AGTPBP1: variants seen among roughly 807,000 people sequenced by gnomAD.
The protein encoded by AGTPBP1 is ATP/GTP binding carboxypeptidase 1.
Under a neutral mutation model 143.9 loss-of-function variants are expected in AGTPBP1, and 70 were observed. The observed-to-expected ratio is 0.49, with a 90% CI of 0.40 to 0.59. The LOEUF (loss-of-function observed/expected upper bound fraction) is 0.59, where lower values mean the gene tolerates loss of function less well. AGTPBP1 is among the 20% of genes least tolerant of loss of function. The pLI, the probability that AGTPBP1 is intolerant of heterozygous loss-of-function variation, is 0.00. For synonymous variants in AGTPBP1, 463 were observed against 500.2 expected, an observed-to-expected ratio of 0.93 and a Z score of 0.99; for missense variants, 1,229 against 1,464.5, an observed-to-expected ratio of 0.84 and a Z score of 2.62.
chr9:85,690,871 A>C (rs930798761), intron 3 of AGTPBP1, among the ~76,000 whole-genome samples: 4 of 152,282 alleles, frequency 2.6e-5, no homozygotes, highest in African/African-American at 9.6e-5. Context: ...TGGTGGGAAG[A>C]GGGTCATTCC....
intron 1 of AGTPBP1, among the ~76,000 whole-genome samples, chr9:85,725,301 A>T (rs924404426): frequency 6.6e-6 from 1 of 152,200 alleles, no homozygotes; most frequent in African/African-American, 2.4e-5. Flanking sequence ...AATTTAACAA[A>T]AAAATTAAAA....
rs146070377 is a variant in AGTPBP1 at position 85,574,373 on chromosome 9, C to T, written c.3503+942G>A. Among the ~76,000 whole-genome samples, 797 of 151,948 alleles carry T rather than the reference C, an allele frequency of 5.2e-3. 5 individuals carry two copies. Among genetic ancestry groups the T allele is most frequent in the African/African-American group, 0.018 (746 of 41,436 alleles). On this transcript the variant is annotated intron_variant, in intron 25 of 25. Transcript: ENST00000357081. ...TCCTCTGCCTAGGAAAACCAGAAAC[C>T]CTTGTTCACTTGTTTATCTGCTGAC...
At chr9:85,700,193 C>T (rs887519854) in intron 2 of AGTPBP1, among the ~76,000 whole-genome samples, 3 of 152,218 alleles carry the variant, frequency 2.0e-5, no homozygotes, top group African/African-American at 7.2e-5. Flanking sequence ...CCACAGCTAA[C>T]ACCTTGAGAA....
chr9:85,549,398 T>C (rs117947442), intron 25 of AGTPBP1, among the ~76,000 whole-genome samples: 6 of 152,024 alleles, frequency 3.9e-5, no homozygotes, highest in African/African-American at 1.4e-4. Flanking sequence ...GTTCAAGAGA[T>C]CTATGGACAG....
chr9:85,585,349 C>T, intron 23 of AGTPBP1, 114 bp downstream of exon 23: 1 of 1,122,112 alleles, frequency 8.9e-7, no homozygotes, highest in Non-Finnish European at 1.2e-6. Flanking sequence ...AAATCTGAAA[C>T]AAAAATGGCA....
chr9:85,781,936 T>C, the AGTPBP1 span, among the ~76,000 whole-genome samples: 1 of 152,204 alleles, frequency 6.6e-6, no homozygotes, highest in Non-Finnish European at 1.5e-5. Flanking sequence ...TATATTGCGA[T>C]GATTAAAATA....
chr9:85,641,991 A>G (rs186627749), intron 13 of AGTPBP1, among the ~76,000 whole-genome samples: 91 of 152,190 alleles, frequency 6.0e-4, no homozygotes, highest in Non-Finnish European at 1.0e-3. Context: ...GAGCCACCAC[A>G]CCCGGCAACA....
chr9:85,766,763 A>G, the AGTPBP1 span, among the ~76,000 whole-genome samples: 1 of 152,166 alleles, frequency 6.6e-6, no homozygotes, highest in African/African-American at 2.4e-5. Context: ...AATATTCCAA[A>G]TAGATCTGTC....
intron 6 of AGTPBP1, among the ~76,000 whole-genome samples, chr9:85,675,980 A>T (rs1466379622): frequency 2.0e-5 from 3 of 152,180 alleles, no homozygotes; most frequent in African/African-American, 4.8e-5. Flanking sequence ...AGCCCAGATC[A>T]CACCACTGCA....
At chr9:85,675,783 T>G (rs1249514196) in intron 6 of AGTPBP1, among the ~76,000 whole-genome samples, 1 of 152,160 alleles carries the variant, frequency 6.6e-6, no homozygotes, top group Middle Eastern at 3.2e-3. Flanking sequence ...CTCAGCACTT[T>G]GGGAGGCCAA....
intron 25 of AGTPBP1, among the ~76,000 whole-genome samples, chr9:85,551,053 G>T (rs563065384): frequency 1.3e-5 from 2 of 151,736 alleles, no homozygotes; most frequent in African/African-American, 4.8e-5. Flanking sequence ...AAAGAGTGTG[G>T]CACTTCCCCC....
chr9:85,749,686 T>A, the AGTPBP1 span, among the ~76,000 whole-genome samples: 10,244 of 152,198 alleles, frequency 0.067, 473 homozygotes, highest in African/African-American at 0.13. Flanking sequence ...TTCCTCATCT[T>A]TAAAATGGAT....
At chr9:85,757,127 C>A in the AGTPBP1 span, among the ~76,000 whole-genome samples, 1 of 152,044 alleles carries the variant, frequency 6.6e-6, no homozygotes, top group Admixed American at 6.6e-5. Flanking sequence ...AGTGCAGTGG[C>A]GCGATCTGTG....
At chr9:85,631,780 A>C (rs868091653) in intron 14 of AGTPBP1, among the ~76,000 whole-genome samples, 29 of 152,214 alleles carry the variant, frequency 1.9e-4, no homozygotes, top group African/African-American at 6.3e-4. Flanking sequence ...AATTTTTTTC[A>C]GATACTGATA....
intron 19 of AGTPBP1, among the ~76,000 whole-genome samples, chr9:85,590,205 T>A (rs1260049599): frequency 2.6e-5 from 4 of 152,064 alleles, no homozygotes; most frequent in Non-Finnish European, 4.4e-5. Context: ...GCAAAAAAAT[T>A]ACAAAGAAAA....
intron 25 of AGTPBP1, among the ~76,000 whole-genome samples, chr9:85,573,153 A>AGC (rs1564020993): frequency 1.3e-5 from 2 of 150,622 alleles, no homozygotes; most frequent in African/African-American, 4.9e-5. Context: ...TCTGATGCCG[A>AGC]GCCGAAGCTG....
chr9:85,660,846 A>T (rs1292320083), intron 9 of AGTPBP1, 90 bp downstream of exon 9: 2 of 1,002,416 alleles, frequency 2.0e-6, no homozygotes, highest in Non-Finnish European at 2.9e-6. Flanking sequence ...TTATAACTAT[A>T]GTCTAAATCT....
chr9:85,637,040 GTTTT>G (rs36101581), intron 13 of AGTPBP1, among the ~76,000 whole-genome samples: 4 of 126,472 alleles, frequency 3.2e-5, no homozygotes, highest in South Asian at 2.7e-4. Flanking sequence ...TCCCCAAAAA[GTTTT>G]TTTTTTTTTT....
chr9:85,741,899 AGGCGGAGGCGGCGGC>A lies in AGTPBP1; in HGVS notation c.-173_-159del, dbSNP rs1824329698. 7.4e-7 allele frequency: 1 copy of A among 1,344,558 alleles called. No individual in the cohort carries two copies. Among genetic ancestry groups the A allele is most frequent in the African/African-American group, 1.5e-5 (1 of 64,976 alleles). The allele number at this position is 1,344,558 out of a possible 1,614,324, so 83.3% of individuals were successfully genotyped here. On this transcript the variant is annotated 5_prime_UTR_variant, in exon 1 of 26. Transcript: ENST00000357081. Reference sequence around the variant, plus strand: ...TTCATACAAACCCCGGTGGCAGGCGAGGCGGAGGCGGCGGCGGCGGCAGCTGCGGCGGCGGCGCTG... The same window carrying A: ...TTCATACAAACCCCGGTGGCAGGCGAGGCGGCAGCTGCGGCGGCGGCGCTG...
Sources: allele counts gnomAD v4.1 joint callset (sites outside exome capture counted in the v4.1 genomes callset), GRCh38; gene constraint gnomAD v4.1.1; transcripts MANE v1.5; gene names NCBI Gene and HGNC (gene_info 2026-07-23, HGNC 2026-07-21).